COL5A2: variants seen among roughly 807,000 people sequenced by gnomAD.
The protein encoded by COL5A2 is collagen alpha-2(V) chain.
COL5A2 carries 23 observed loss-of-function variants against 208.2 expected under a neutral mutation model. The observed-to-expected ratio is 0.11, with a 90% CI of 0.08 to 0.16. COL5A2 has a LOEUF of 0.16. Ranked by LOEUF, COL5A2 falls within the 10% of genes least tolerant of loss-of-function variation. The pLI is 1.00. For missense variants in COL5A2, 1,590 were observed against 1,956.4 expected, an observed-to-expected ratio of 0.81 and a Z score of 3.53; for synonymous variants, 625 against 628.5, an observed-to-expected ratio of 0.99 and a Z score of 0.08.
At chr2:189,167,129 A>T (rs1349653907) in intron 1 of COL5A2, among the ~76,000 whole-genome samples, 1 of 152,110 alleles carries the variant, frequency 6.6e-6, no homozygotes, top group Admixed American at 6.6e-5. Context: ...GGTATTCAAA[A>T]TTTTTTTCTT....
intron 38 of COL5A2, 108 bp downstream of exon 38, chr2:189,053,316 A>G: frequency 9.6e-7 from 1 of 1,037,412 alleles, no homozygotes. Context: ...TGTCTAGAAA[A>G]CTGTAAATTT....
chr2:189,385,848 T>A, the COL5A2 span, among the ~76,000 whole-genome samples: 13 of 151,884 alleles, frequency 8.6e-5, no homozygotes, highest in Non-Finnish European at 1.9e-4. Flanking sequence ...TAGACAAAAA[T>A]AAGTTTATTC....
the COL5A2 span, among the ~76,000 whole-genome samples, chr2:189,408,393 A>G: frequency 2.0e-5 from 3 of 152,268 alleles, 1 homozygote; most frequent in South Asian, 6.2e-4. Flanking sequence ...ATGCGGGAAG[A>G]AAGTACATAC....
At chr2:189,080,088 C>T in intron 13 of COL5A2, 57 bp from the exon 14 acceptor site, 1 of 1,328,548 alleles carries the variant, frequency 7.5e-7, no homozygotes, top group Non-Finnish European at 1.1e-6. Flanking sequence ...TCCTCAAAGG[C>T]ATAAGAACCA....
At chr2:189,301,023 CA>C in the COL5A2 span, among the ~76,000 whole-genome samples, 1 of 151,924 alleles carries the variant, frequency 6.6e-6, no homozygotes. Context: ...CCTGTCTCTA[CA>C]AAAAATACAA....
chr2:189,073,056 A>C (rs1162396390), intron 17 of COL5A2, among the ~76,000 whole-genome samples: 1 of 152,156 alleles, frequency 6.6e-6, no homozygotes, highest in Non-Finnish European at 1.5e-5. Flanking sequence ...ATGAGAAACA[A>C]GGGAGAAAAG....
the COL5A2 span, among the ~76,000 whole-genome samples, chr2:189,351,930 G>A: frequency 1.3e-5 from 2 of 152,030 alleles, no homozygotes; most frequent in Non-Finnish European, 2.9e-5. Flanking sequence ...TCTACATTAG[G>A]TATCTCTCCT....
chr2:189,384,513 T>G, the COL5A2 span, among the ~76,000 whole-genome samples: 184 of 152,284 alleles, frequency 1.2e-3, no homozygotes, highest in African/African-American at 4.3e-3. Flanking sequence ...TTAGTGATGA[T>G]GAGCACTTTT....
chr2:189,303,844 C>G, the COL5A2 span, among the ~76,000 whole-genome samples: 1 of 152,156 alleles, frequency 6.6e-6, no homozygotes, highest in Non-Finnish European at 1.5e-5. Context: ...CTGTTCTGAC[C>G]ACGAGGCACC....
chr2:189,370,511 T>C, the COL5A2 span, among the ~76,000 whole-genome samples: 2 of 152,052 alleles, frequency 1.3e-5, no homozygotes, highest in Non-Finnish European at 2.9e-5. Context: ...AGAGATGTCA[T>C]CTCTGGCTGT....
the COL5A2 span, among the ~76,000 whole-genome samples, chr2:189,263,396 G>A: frequency 3.3e-5 from 5 of 152,062 alleles, no homozygotes; most frequent in Middle Eastern, 3.2e-3. Context: ...TACTTTAGTC[G>A]ACAGTAGACA....
At chr2:189,397,950 C>A in the COL5A2 span, among the ~76,000 whole-genome samples, 1 of 152,112 alleles carries the variant, frequency 6.6e-6, no homozygotes, top group Non-Finnish European at 1.5e-5. Context: ...CTAAACAGGG[C>A]TTTATATGCA....
chr2:189,406,635 G>A, the COL5A2 span, among the ~76,000 whole-genome samples: 2 of 152,128 alleles, frequency 1.3e-5, no homozygotes, highest in East Asian at 1.9e-4. Context: ...GATCTGACCT[G>A]TAGCCATGTA....
At chr2:189,309,474 C>A in the COL5A2 span, among the ~76,000 whole-genome samples, 4 of 152,164 alleles carry the variant, frequency 2.6e-5, no homozygotes, top group African/African-American at 9.7e-5. Flanking sequence ...GGCCACTGCG[C>A]ATGCAGACTC....
intron 7 of COL5A2, among the ~76,000 whole-genome samples, chr2:189,091,093 AAT>A (rs1686774620): frequency 6.6e-6 from 1 of 152,182 alleles, no homozygotes; most frequent in East Asian, 1.9e-4. Context: ...GATTGGTGAA[AAT>A]ATAAGCCTCA....
intron 1 of COL5A2, among the ~76,000 whole-genome samples, chr2:189,208,343 G>T (rs554592348): frequency 2.0e-5 from 3 of 152,278 alleles, no homozygotes; most frequent in South Asian, 2.1e-4. Context: ...TGATTTGAAT[G>T]AATGAACAAA....
At chr2:189,040,424 C>T (rs1202537028) in intron 50 of COL5A2, among the ~76,000 whole-genome samples, 1 of 150,380 alleles carries the variant, frequency 6.6e-6, no homozygotes. Context: ...TGGATCCTCT[C>T]TATTAATTCC....
the COL5A2 span, among the ~76,000 whole-genome samples, chr2:189,268,342 C>T: frequency 6.6e-6 from 1 of 152,026 alleles, no homozygotes; most frequent in African/African-American, 2.4e-5. Flanking sequence ...GTCAGTAGTT[C>T]CAGCACCATT....
At chr2:189,128,991 C>T (rs1270090598) in intron 1 of COL5A2, among the ~76,000 whole-genome samples, 4 of 151,834 alleles carry the variant, frequency 2.6e-5, no homozygotes, top group South Asian at 2.1e-4. Context: ...TCTGGTATTT[C>T]GGTAACAAAT....
Sources: allele counts gnomAD v4.1 joint callset (sites outside exome capture counted in the v4.1 genomes callset), GRCh38; gene constraint gnomAD v4.1.1; transcripts MANE v1.5; gene names NCBI Gene and HGNC (gene_info 2026-07-23, HGNC 2026-07-21).